LTN1: variants seen among roughly 807,000 people sequenced by gnomAD.
LTN1 encodes the protein listerin E3 ubiquitin protein ligase 1.
LTN1 carries 88 observed loss-of-function variants against 201.2 expected under a neutral mutation model. The observed-to-expected ratio is 0.44, with a 90% CI of 0.37 to 0.52. The LOEUF is 0.52. Among genes scored for constraint, LTN1 ranks in the 20% least tolerant of loss-of-function variants. The pLI is 0.00. For synonymous variants in LTN1, 645 were observed against 713.5 expected, an observed-to-expected ratio of 0.90 and a Z score of 1.53; for missense variants, 1,752 against 2,038.7, an observed-to-expected ratio of 0.86 and a Z score of 2.71.
intron 6 of LTN1, among the ~76,000 whole-genome samples, chr21:28,980,146 A>G (rs1428346645): frequency 2.6e-5 from 4 of 151,820 alleles, no homozygotes; most frequent in Non-Finnish European, 5.9e-5. Context: ...ACTTTTTCAA[A>G]TTTTTGTGCT....
chr21:28,972,317 G>A (rs1003674807), intron 6 of LTN1, among the ~76,000 whole-genome samples: 1 of 152,184 alleles, frequency 6.6e-6, no homozygotes, highest in Non-Finnish European at 1.5e-5. Flanking sequence ...CTAAGGTACA[G>A]TTTATCCCTT....
chr21:28,988,169 A>AAAAAC (rs375522561), intron 1 of LTN1, among the ~76,000 whole-genome samples: 4 of 136,896 alleles, frequency 2.9e-5, no homozygotes, highest in Non-Finnish European at 4.7e-5. Flanking sequence ...ACAAAAAAAA[A>AAAAAC]CAAATTGCTC....
Position 28,931,251 on chromosome 21 carries a change from A to G in LTN1, c.5142T>C (p.Asp1714=). The change falls in exon 29 of 30, where the codon GAT becomes GAC. Residue 1714 remains aspartate (D), a synonymous_variant. Coordinates refer to ENST00000361371, the MANE Select transcript of LTN1 (RefSeq NM_015565.3). ...GAATGACTGAGAAACAGATCATGCA[A>G]TCTTCAACACCCTCAAAACGTTTGT... ...NVDKRFEGVE[D]CMICFSVIHG... 1 of 1,613,140 alleles carries G rather than the reference A, an allele frequency of 6.2e-7. No homozygotes were observed. Among genetic ancestry groups the G allele is most frequent in the Non-Finnish European group, 8.5e-7 (1 of 1,179,186 alleles).
At chr21:28,957,301 TGA>T in intron 15 of LTN1, 29 bp downstream of exon 15, 2 of 1,518,544 alleles carry the variant, frequency 1.3e-6, no homozygotes, top group Non-Finnish European at 1.8e-6. Context: ...AACTTCAGAA[TGA>T]GATATGTACT....
chr21:28,963,478 T>C (rs944434867), intron 11 of LTN1, among the ~76,000 whole-genome samples: 1 of 152,176 alleles, frequency 6.6e-6, no homozygotes, highest in Admixed American at 6.5e-5. Flanking sequence ...AGCCCACTGT[T>C]GGAAAAACGA....
At chr21:28,965,195 T>C (rs1228298284) in intron 11 of LTN1, among the ~76,000 whole-genome samples, 1 of 152,166 alleles carries the variant, frequency 6.6e-6, no homozygotes, top group Non-Finnish European at 1.5e-5. Flanking sequence ...AATTCAAGAG[T>C]TAGCTATGAA....
intron 6 of LTN1, among the ~76,000 whole-genome samples, chr21:28,974,001 A>AC (rs1347938184): frequency 1.3e-5 from 2 of 152,172 alleles, no homozygotes; most frequent in Non-Finnish European, 2.9e-5. Context: ...TGCAAAAAAA[A>AC]CCTCTAAATC....
chr21:28,933,737 C>T (rs1043500284), intron 27 of LTN1, among the ~76,000 whole-genome samples: 2 of 148,284 alleles, frequency 1.3e-5, no homozygotes, highest in Non-Finnish European at 3.0e-5. Flanking sequence ...AGTGCAATGG[C>T]GTGATCTCGG....
At chr21:28,980,409 G>A (rs1234443881) in intron 6 of LTN1, among the ~76,000 whole-genome samples, 1 of 99,476 alleles carries the variant, frequency 1.0e-5, no homozygotes, top group Non-Finnish European at 1.9e-5. Context: ...GGGGGGAGGG[G>A]GGAGGGATAG....
intron 5 of LTN1, among the ~76,000 whole-genome samples, chr21:28,981,972 C>T (rs543428791): frequency 6.6e-6 from 1 of 152,104 alleles, no homozygotes; most frequent in Non-Finnish European, 1.5e-5. Context: ...GCCAACACTT[C>T]GGGAGGCCGA....
intron 9 of LTN1, among the ~76,000 whole-genome samples, chr21:28,968,261 G>A (rs1398970381): frequency 1.3e-5 from 2 of 152,004 alleles, no homozygotes; most frequent in African/African-American, 4.8e-5. Context: ...GCATCTTCTG[G>A]ATTTAAGTGT....
At position 28,957,494 on chromosome 21, in the gene LTN1, A is replaced by G; in HGVS notation, c.2748-18T>C. 2 of 1,526,500 alleles carry G rather than the reference A, an allele frequency of 1.3e-6. No individual in the cohort carries two copies. Among genetic ancestry groups the G allele is most frequent in the East Asian group, 4.6e-5 (2 of 43,476 alleles). The allele number at this position is 1,526,500 out of a possible 1,614,324, so 94.6% of individuals were successfully genotyped here. Reference sequence around the variant, plus strand: ...CTTGGAGACTAAAAATAATGCAGAGAACTTAACTGTTGTAGTTACGCTATG... The same window carrying G: ...CTTGGAGACTAAAAATAATGCAGAGGACTTAACTGTTGTAGTTACGCTATG... On this transcript the variant is annotated intron_variant, in intron 14 of 29. Transcript: ENST00000361371.
intron 1 of LTN1, among the ~76,000 whole-genome samples, chr21:28,990,213 C>T (rs995246343): frequency 1.3e-5 from 2 of 152,110 alleles, no homozygotes; most frequent in Non-Finnish European, 2.9e-5. Context: ...GTGTCTGTAT[C>T]ATCAAACTAA....
At chr21:28,947,656 T>G in intron 18 of LTN1, 50 bp from the exon 19 acceptor site, 1 of 1,149,602 alleles carries the variant, frequency 8.7e-7, no homozygotes, top group Non-Finnish European at 1.2e-6. Context: ...AAACATACAG[T>G]TATTTTATAT....
chr21:28,978,212 T>G (rs1211054771), intron 6 of LTN1, among the ~76,000 whole-genome samples: 1 of 152,046 alleles, frequency 6.6e-6, no homozygotes, highest in Non-Finnish European at 1.5e-5. Context: ...ATTATTTTTT[T>G]GTAGAGACAG....
In LTN1 at chr21:28,960,555, G is replaced by A. The variant is rs1265938433; in HGVS notation, c.2315C>T (p.Thr772Ile). ...TTGGGATAATACCAAGCTTAGAAGA[G>A]TCCATCTTTCTGAGAAGTGAGATTC... is the stretch of plus-strand genomic sequence containing the variant. The part of the protein sequence containing the change: ...SSESHFSERW[T>I]LLSLVLSQHV... Residue 772 changes from threonine (T) to isoleucine (I), a missense_variant, in exon 12 of 30, where the codon ACT becomes ATT. By Grantham distance (89) the Thr-to-Ile change is moderately conservative. Coordinates refer to ENST00000361371, the MANE Select transcript of LTN1 (RefSeq NM_015565.3). 1 of 1,613,610 alleles carries A rather than the reference G, an allele frequency of 6.2e-7. No homozygotes were observed. Among genetic ancestry groups the A allele is most frequent in the Non-Finnish European group, 8.5e-7 (1 of 1,179,830 alleles).
At chr21:28,988,826 A>G (rs546197516) in intron 1 of LTN1, among the ~76,000 whole-genome samples, 1 of 152,036 alleles carries the variant, frequency 6.6e-6, no homozygotes, top group South Asian at 2.1e-4. Flanking sequence ...TTAGCCAGGC[A>G]TGGTGGCACA....
intron 6 of LTN1, among the ~76,000 whole-genome samples, chr21:28,979,595 A>T (rs541921187): frequency 1.3e-5 from 2 of 152,310 alleles, no homozygotes; most frequent in African/African-American, 4.8e-5. Context: ...GTTTTTCAAA[A>T]ATACAGTCAA....
chr21:28,931,184 A>G lies in LTN1; in HGVS notation c.5209T>C (p.Cys1737Arg), dbSNP rs778774985. 9 of 1,611,598 alleles carry G rather than the reference A, an allele frequency of 5.6e-6. No homozygotes were observed. Among genetic ancestry groups the G allele is most frequent in the South Asian group, 1.1e-5 (1 of 90,448 alleles). The change falls in exon 29 of 30, where the codon TGC becomes CGC. Residue 1737 changes from cysteine (C) to arginine (R), a missense_variant. By Grantham distance (180) the Cys-to-Arg change is radical (BLOSUM62 -3). This residue lies in a region of LTN1 where 261 missense variants were observed against 350.1 expected (regional missense o/e 0.75). Coordinates refer to ENST00000361371, the MANE Select transcript of LTN1 (RefSeq NM_015565.3). The stretch of plus-strand genomic sequence containing the variant: ...CAGGCTGAATGGAATTTTTTCTTGC[A>G]TGTTCTACAGGCTTTTTTGGGAAGG... ...YSLPKKACRT[C>R]KKKFHSACLY...
Sources: gnomAD v4.1 joint callset for allele counts (sites outside exome capture counted in the v4.1 genomes callset) on GRCh38, gnomAD v4.1.1 for gene constraint, gnomAD v4.1.1 regional missense constraint, MANE v1.5 for transcripts, NCBI Gene and HGNC (gene_info 2026-07-23, HGNC 2026-07-21) for gene names.